Variants in UBN1 observed in about 807,000 individuals in gnomAD.
The protein encoded by UBN1 is ubinuclein-1.
UBN1 carries 17 observed loss-of-function variants against 108.5 expected under a neutral mutation model. The observed-to-expected ratio is 0.16, with a 90% CI of 0.11 to 0.24. The LOEUF (loss-of-function observed/expected upper bound fraction) is 0.24, where lower values mean the gene tolerates loss of function less well. Ranked by LOEUF, UBN1 falls within the 10% of genes least tolerant of loss-of-function variation. The pLI, the probability that UBN1 is intolerant of heterozygous loss-of-function variation, is 1.00. For missense variants in UBN1, 1,595 were observed against 1,394.4 expected (o/e 1.14, Z -2.29); for synonymous variants, 726 against 564.2 (o/e 1.29, Z -4.07).
chr16:4,872,733 T>A, intron 12 of UBN1, 151 bp from the exon 13 acceptor site: 1 of 862,370 alleles, frequency 1.2e-6, no homozygotes, highest in East Asian at 2.7e-5. Context: ...CCTCCAAAAG[T>A]GCTGGGATTA....
chr16:4,860,186 C>T (rs1248412038), intron 6 of UBN1, among the ~76,000 whole-genome samples: 2 of 152,316 alleles, frequency 1.3e-5, no homozygotes, highest in South Asian at 2.1e-4. Flanking sequence ...ATTGTTGTCA[C>T]TGTGTGACTG....
chr16:4,849,919 C>G (rs1417073071), intron 1 of UBN1, among the ~76,000 whole-genome samples: 3 of 123,822 alleles, frequency 2.4e-5, no homozygotes, highest in African/African-American at 1.0e-4. Context: ...GCACTCCAGC[C>G]TGGGCAACAG....
rs372757284 is a variant in UBN1 at position 4,877,040 on chromosome 16, A to G, written c.3194A>G (p.Lys1065Arg). The change falls in exon 16 of 18, where the codon AAA becomes AGA. Residue 1065 changes from lysine to arginine, a missense_variant. Lys to Arg is a conservative substitution (Grantham distance 26). Coordinates refer to ENST00000262376, the MANE Select transcript of UBN1 (RefSeq NM_001079514.3). This position sits in a 1 kb window ranked among gnomAD's most constrained non-coding sequence, Gnocchi z 4.3. Reference protein sequence around the residue: ...VLSFSADSSAKAGVSKDAIVT... With the variant: ...VLSFSADSSARAGVSKDAIVT... Reference sequence around the variant, plus strand: ...TCCTTCAGCGCTGACTCCTCTGCCAAAGCAGGGGTCTCCAAGGATGCCATC... The same window carrying G: ...TCCTTCAGCGCTGACTCCTCTGCCAGAGCAGGGGTCTCCAAGGATGCCATC... 2.4e-5 allele frequency: 39 copies of G among 1,614,030 alleles called. No individual in the cohort carries two copies. The highest frequency in any genetic ancestry group is 3.0e-5 in the Non-Finnish European group (35 of 1,180,030).
intron 12 of UBN1, 72 bp from the exon 13 acceptor site, chr16:4,872,812 T>C (rs2087710917): frequency 1.9e-6 from 3 of 1,577,098 alleles, no homozygotes; most frequent in Non-Finnish European, 2.6e-6. Flanking sequence ...CCAGGGACAC[T>C]AGCAAAGTTC....
intron 15 of UBN1, among the ~76,000 whole-genome samples, chr16:4,876,634 C>A (rs540914338): frequency 6.6e-6 from 1 of 151,840 alleles, no homozygotes; most frequent in Non-Finnish European, 1.5e-5. Context: ...TATTTAATAT[C>A]CTGCTTTTAA....
In UBN1 at chr16:4,877,753, G is replaced by A. The variant is rs1022612782; in HGVS notation, c.3355+279G>A. ...GGCAGGGTGGTGCGCTTTTGTGTGC[G>A]GTGGAGGAGTTCCTAACCCTCGGCT... On this transcript the variant is annotated intron_variant, in intron 17 of 17. Transcript: ENST00000262376. The surrounding 1 kb of genome is among the most constrained non-coding windows in gnomAD (Gnocchi z 4.3). 291 of 1,174,560 alleles carry A rather than the reference G, an allele frequency of 2.5e-4. No homozygotes were observed. Among genetic ancestry groups the A allele is most frequent in the Non-Finnish European group, 2.7e-4 (256 of 952,288 alleles). 72.8% of individuals were successfully genotyped at this position (1,174,560 alleles called of 1,614,324 possible). A position where few individuals can be genotyped will look rare whatever the true frequency, so the allele number is the denominator to read the frequency against.
chr16:4,880,035 C>CA, intron 17 of UBN1, 48 bp from the exon 18 acceptor site: 1 of 1,605,754 alleles, frequency 6.2e-7, no homozygotes, highest in Non-Finnish European at 8.5e-7. Flanking sequence ...TTAAGGAAAT[C>CA]AGAGAGCATG....
Position 4,877,104 on chromosome 16 carries a change from T to G in UBN1, c.3258T>G (p.Leu1086=). 1 of 1,608,764 alleles carries G rather than the reference T, an allele frequency of 6.2e-7. No homozygotes were observed. Residue 1086 remains leucine (L), a synonymous_variant, in exon 16 of 18, where the codon CTT becomes CTG. Coordinates refer to ENST00000262376, the MANE Select transcript of UBN1 (RefSeq NM_001079514.3). The surrounding 1 kb of genome is among the most constrained non-coding windows in gnomAD (Gnocchi z 4.3). ...GPAPGSFHHG[L]GHSLLAGLHS... is the part of the protein sequence containing the mutation. ...CCCCCGGGTCCTTCCACCATGGCCTTGGCCACAGTAAGTGCTTCTTTGCTG... is the reference window on the plus strand; with the variant it reads ...CCCCCGGGTCCTTCCACCATGGCCTGGGCCACAGTAAGTGCTTCTTTGCTG...
chr16:4,871,313 G>A lies in UBN1; in HGVS notation c.1706+12G>A. 1 of 1,612,450 alleles carries A rather than the reference G, an allele frequency of 6.2e-7. No individual in the cohort carries two copies. Among genetic ancestry groups the A allele is most frequent in the South Asian group, 1.1e-5 (1 of 90,908 alleles). On this transcript the variant is annotated intron_variant, in intron 12 of 17. Transcript: ENST00000262376. Reference sequence around the variant, plus strand: ...TGGATGCAGGCCAGGTGAGGGCCGTGTGCTGAGATGGGCATCTGTGCAGTC... The same window carrying A: ...TGGATGCAGGCCAGGTGAGGGCCGTATGCTGAGATGGGCATCTGTGCAGTC...
rs145320588 is a variant in UBN1, at chr16:4,872,962, G to T, written c.1757+28G>T. On this transcript the variant is annotated intron_variant, in intron 13 of 17. Coordinates refer to ENST00000262376, the MANE Select transcript of UBN1 (RefSeq NM_001079514.3). ...GAGTGTCTTGGTATTTTCACATCTC[G>T]GGACAAGTGTTGTTTTTGGTCTCCT... The T allele has an allele frequency of 4.3e-6, 7 of 1,614,044 alleles. No individual in the cohort carries two copies. In the Middle Eastern group the frequency reaches 4.9e-4, roughly 114 times the overall value.
In UBN1 at chr16:4,847,836, G is replaced by T. The variant is rs893075808; in HGVS notation, c.-414G>T. The T allele has an allele frequency of 2.6e-5, 4 of 153,020 alleles. No homozygotes were observed. The highest frequency in any genetic ancestry group is 2.0e-4 in the Admixed American group (3 of 15,290). The allele number at this position is 153,020 out of a possible 1,614,324, so 9.5% of individuals were successfully genotyped here. A position where few individuals can be genotyped will look rare whatever the true frequency, so the allele number is the denominator to read the frequency against. On this transcript the variant is annotated 5_prime_UTR_variant, in exon 1 of 18. Coordinates refer to ENST00000262376, the MANE Select transcript of UBN1 (RefSeq NM_001079514.3). ...CCGGGAGGCCCCGGTGTCCGCGCCC[G>T]TCCGCTCCCGCCGCCCGTGTTCTTT...
At chr16:4,879,453 A>G (rs977930777) in intron 17 of UBN1, among the ~76,000 whole-genome samples, 4 of 151,076 alleles carry the variant, frequency 2.6e-5, no homozygotes, top group African/African-American at 9.7e-5. Context: ...TCATCTCTAA[A>G]AAAATTTTTT....
At chr16:4,858,280 CAAAT>C (rs2086900869) in intron 3 of UBN1, among the ~76,000 whole-genome samples, 1 of 152,172 alleles carries the variant, frequency 6.6e-6, no homozygotes, top group African/African-American at 2.4e-5. Flanking sequence ...GCTAACTGGA[CAAAT>C]AACCGAGAAG....
Position 4,881,919 on chromosome 16 carries a change from GCCCTCCTTCCTTTCCCTTTGGTGCT to G in UBN1, c.*1795_*1819del, listed in dbSNP as rs2088085746. 6.6e-6 allele frequency: 1 copy of G among 152,170 alleles called. No individual in the cohort carries two copies. The highest frequency in any genetic ancestry group is 6.6e-5 in the Admixed American group (1 of 15,164). 9.4% of individuals were successfully genotyped at this position (152,170 alleles called of 1,614,324 possible). A position where few individuals can be genotyped will look rare whatever the true frequency, so the allele number is the denominator to read the frequency against. On this transcript the variant is annotated 3_prime_UTR_variant, in exon 18 of 18. Coordinates refer to ENST00000262376, the MANE Select transcript of UBN1 (RefSeq NM_001079514.3). ...CTGCCCATAAACACCCGGGTCCCAGGCCCTCCTTCCTTTCCCTTTGGTGCTCCCTCCTCCCCACGTACCATTGCGC... is the reference window on the plus strand; with the variant it reads ...CTGCCCATAAACACCCGGGTCCCAGGCCCTCCTCCCCACGTACCATTGCGC...
Position 4,858,919 on chromosome 16 carries a change from C to G in UBN1, c.433-106C>G, listed in dbSNP as rs761656176. 3.5e-6 allele frequency: 5 copies of G among 1,435,008 alleles called. No homozygotes were observed. The East Asian group carries it at 9.1e-5, about 26-fold the overall frequency. The allele number at this position is 1,435,008 out of a possible 1,614,324, so 88.9% of individuals were successfully genotyped here. On this transcript the variant is annotated intron_variant, in intron 4 of 17. Coordinates refer to ENST00000262376, the MANE Select transcript of UBN1 (RefSeq NM_001079514.3). ...TGACCAGAGGATGTTTTAGCATGCT[C>G]TTGGAAGTGGCAGAGGAGCACAGTC...
chr16:4,863,458 A>G (rs957635499), intron 7 of UBN1, among the ~76,000 whole-genome samples: 11 of 152,184 alleles, frequency 7.2e-5, no homozygotes, highest in Non-Finnish European at 1.3e-4. Flanking sequence ...TCCAAAAGCC[A>G]CATGTGGATA....
At chr16:4,866,960 C>G (rs891552145) in intron 7 of UBN1, among the ~76,000 whole-genome samples, 10 of 152,184 alleles carry the variant, frequency 6.6e-5, no homozygotes, top group African/African-American at 2.4e-4. Context: ...AAGAGAGGCT[C>G]TTGGGGGGCA....
chr16:4,875,099 T>A lies in UBN1; in HGVS notation c.2689T>A (p.Ser897Thr), dbSNP rs2087816929. 6.2e-7 allele frequency: 1 copy of A among 1,614,154 alleles called. No homozygotes were observed. Among genetic ancestry groups the A allele is most frequent in the Non-Finnish European group, 8.5e-7 (1 of 1,180,048 alleles). Reference protein sequence around the residue: ...AKPHSVSSAGSSYKNNPFASS... With the variant: ...AKPHSVSSAGTSYKNNPFASS... The stretch of plus-strand genomic sequence containing the variant: ...GCCACATTCAGTCAGCTCTGCAGGC[T>A]CATCTTACAAGAATAATCCCTTTGC... Residue 897 changes from serine (S) to threonine (T), a missense_variant, in exon 15 of 18, where the codon TCA (serine) becomes ACA (threonine). By Grantham distance (58) the Ser-to-Thr change is moderately conservative. Coordinates refer to ENST00000262376, the MANE Select transcript of UBN1 (RefSeq NM_001079514.3).
At chr16:4,876,211 G>T (rs1013129847) in intron 15 of UBN1, among the ~76,000 whole-genome samples, 3 of 152,034 alleles carry the variant, frequency 2.0e-5, no homozygotes, top group African/African-American at 4.8e-5. Context: ...GCCCGCCTCG[G>T]CCTCCCAAAG....
Sources: gnomAD v4.1 joint callset for allele counts (sites outside exome capture counted in the v4.1 genomes callset) on GRCh38, gnomAD v4.1.1 for gene constraint, Gnocchi (gnomAD v3.1) non-coding constraint, MANE v1.5 for transcripts, NCBI Gene and HGNC (gene_info 2026-07-23, HGNC 2026-07-21) for gene names.